The following KANK1 variants were observed in gnomAD, a reference collection of about 807,000 sequenced individuals.
KANK1 encodes KN motif and ankyrin repeat domain-containing protein 1.
A neutral mutation model predicts 106.2 loss-of-function variants in KANK1; 109 were observed. The ratio of observed to expected loss-of-function variants is 1.03; its 90% CI spans 0.88 to 1.20. The LOEUF is 1.20. KANK1 is among the 50% of genes most tolerant of loss of function. The pLI is 0.00. For missense variants in KANK1, 2,399 were observed against 1,710.7 expected (o/e 1.40, Z -7.10); for synonymous variants, 873 against 652.2 (o/e 1.34, Z -5.16).
intron 1 of KANK1, among the ~76,000 whole-genome samples, chr9:671,698 GTTACT>G (rs1317011602): frequency 1.3e-5 from 2 of 150,716 alleles, no homozygotes; most frequent in Non-Finnish European, 2.9e-5. Context: ...TCTTAAATGT[GTTACT>G]CCAAGGAATA....
intron 3 of KANK1, among the ~76,000 whole-genome samples, chr9:493,564 T>TTC (rs980683851): frequency 1.3e-5 from 2 of 149,802 alleles, no homozygotes; most frequent in African/African-American, 5.0e-5. Context: ...CTTTTTTTTT[T>TTC]TTTTTTTTGG....
At chr9:707,461 TTAA>T (rs1824681138) in intron 2 of KANK1, among the ~76,000 whole-genome samples, 1 of 152,048 alleles carries the variant, frequency 6.6e-6, no homozygotes, top group African/African-American at 2.4e-5. Context: ...TTCTCTCCTG[TTAA>T]TGGAGTTTCA....
intron 2 of KANK1, among the ~76,000 whole-genome samples, chr9:699,551 A>T (rs12346193): frequency 0.031 from 4,780 of 152,216 alleles, 275 homozygotes; most frequent in African/African-American, 0.11. Flanking sequence ...AGGAAATCCA[A>T]AGATTTGTGG....
Position 712,051 on chromosome 9 carries a change from A to G in KANK1, c.1285A>G (p.Thr429Ala). The change falls in exon 3 of 12, where the codon ACA becomes GCA. Residue 429 changes from threonine (T) to alanine (A), a missense_variant. By Grantham distance (58) the Thr-to-Ala change is moderately conservative (BLOSUM62 0). Transcript: ENST00000382297. ...GTCCTGTAAGGATGCAGCTGTAGGGACACTTGTTGAGATGAGAAATTGTGG... is the reference window on the plus strand; with the variant it reads ...GTCCTGTAAGGATGCAGCTGTAGGGGCACTTGTTGAGATGAGAAATTGTGG... ...SRSCKDAAVG[T>A]LVEMRNCGVS... 1 of 1,614,066 alleles carries G rather than the reference A, an allele frequency of 6.2e-7. No homozygotes were observed. Among genetic ancestry groups the G allele is most frequent in the Non-Finnish European group, 8.5e-7 (1 of 1,180,014 alleles).
chr9:687,855 C>A (rs747659499), intron 2 of KANK1, among the ~76,000 whole-genome samples: 1 of 152,208 alleles, frequency 6.6e-6, no homozygotes, highest in African/African-American at 2.4e-5. Context: ...CGGTTGTGTG[C>A]GTCACTAATC....
intron 1 of KANK1, among the ~76,000 whole-genome samples, chr9:535,465 T>C (rs2060254244): frequency 6.6e-6 from 1 of 152,228 alleles, no homozygotes; most frequent in African/African-American, 2.4e-5. Flanking sequence ...CTGGGCACTG[T>C]ACTGTGAGTT....
rs151214974 is a variant in KANK1, at chr9:650,783, A to C, written c.-83-26107A>C. Among the ~76,000 whole-genome samples, 171 of 152,244 alleles carry C rather than the reference A, an allele frequency of 1.1e-3. 1 individual carries two copies. The highest frequency in any genetic ancestry group is 3.9e-3 in the African/African-American group (162 of 41,520). On this transcript the variant is annotated intron_variant, in intron 1 of 11. Coordinates refer to ENST00000382297, the MANE Select transcript of KANK1 (RefSeq NM_015158.5). ...CTAACAGAGGCCCAATGTTCCTGCT[A>C]ATGAAATGAATAAAGAAATGTTGCA...
chr9:521,675 T>G (rs1022733040), intron 1 of KANK1, among the ~76,000 whole-genome samples: 1 of 150,462 alleles, frequency 6.6e-6, no homozygotes, highest in African/African-American at 2.5e-5. Context: ...CAAGCGATTC[T>G]CCTGCCTCAG....
In KANK1 at chr9:726,730, C is replaced by T. The variant is rs543286049; in HGVS notation, c.2699-3321C>T. Among the ~76,000 whole-genome samples the T allele has an allele frequency of 5.3e-5, 8 of 151,986 alleles. No individual in the cohort carries two copies. The East Asian group carries it at 1.2e-3, about 22-fold the overall frequency. On this transcript the variant is annotated intron_variant, in intron 3 of 11. Coordinates refer to ENST00000382297, the MANE Select transcript of KANK1 (RefSeq NM_015158.5). ...ATCCCAACGCTTTGGGAGGTCAAGG[C>T]GGGCAGATTTCCTGAGGTCACAAGT...
At chr9:485,630 T>C (rs1049446475) in intron 3 of KANK1, among the ~76,000 whole-genome samples, 2 of 152,114 alleles carry the variant, frequency 1.3e-5, no homozygotes, top group Non-Finnish European at 2.9e-5. Flanking sequence ...CCCAACACTT[T>C]GAGAGGCCGA....
chr9:739,367 A>G (rs1318973860), intron 8 of KANK1, among the ~76,000 whole-genome samples: 1 of 152,212 alleles, frequency 6.6e-6, no homozygotes, highest in Non-Finnish European at 1.5e-5. Context: ...ATTTTCTGAA[A>G]TTCTGTCTTC....
At chr9:578,485 A>C (rs1449588598) in intron 1 of KANK1, among the ~76,000 whole-genome samples, 1 of 151,892 alleles carries the variant, frequency 6.6e-6, no homozygotes, top group Non-Finnish European at 1.5e-5. Flanking sequence ...GTTGGGCGGC[A>C]GGGAGGGGGT....
chr9:693,893 T>C, intron 2 of KANK1: 1 of 879,508 alleles, frequency 1.1e-6, no homozygotes, highest in Non-Finnish European at 1.4e-6. Context: ...AAGATTTGCT[T>C]TTACTTCAAG....
intron 1 of KANK1, among the ~76,000 whole-genome samples, chr9:514,816 A>G (rs1175511234): frequency 2.0e-5 from 3 of 151,528 alleles, no homozygotes; most frequent in Admixed American, 6.6e-5. Context: ...TAGGAGTGCA[A>G]TTTTTGGGCC....
At chr9:588,058 T>C (rs1823941332) in intron 1 of KANK1, among the ~76,000 whole-genome samples, 1 of 124,946 alleles carries the variant, frequency 8.0e-6, no homozygotes, top group East Asian at 2.2e-4. Context: ...AGAGCTAGAC[T>C]TGGTCTCAAG....
chr9:488,086 T>C (rs1371618684), intron 3 of KANK1, among the ~76,000 whole-genome samples: 2 of 152,200 alleles, frequency 1.3e-5, no homozygotes, highest in South Asian at 2.1e-4. Flanking sequence ...ATTCATTCTA[T>C]GAGGAGATGG....
rs115139722 is a variant in KANK1, at chr9:518,540, C to T, written c.-84+13786C>T. Reference sequence around the variant, plus strand: ...AGAATCGAAACTCTACTATTTCCTGCGAGGTGTATGTTTTCTTTGCTTCTT... The same window carrying T: ...AGAATCGAAACTCTACTATTTCCTGTGAGGTGTATGTTTTCTTTGCTTCTT... On this transcript the variant is annotated intron_variant, in intron 1 of 11. Transcript: ENST00000382297. Among the ~76,000 whole-genome samples the T allele has an allele frequency of 1.9e-3, 291 of 151,692 alleles. 9 individuals are homozygous for T. Among genetic ancestry groups the T allele is most frequent in the African/African-American group, 6.5e-3 (265 of 41,068 alleles).
intron 1 of KANK1, among the ~76,000 whole-genome samples, chr9:610,741 G>A (rs995214972): frequency 2.0e-4 from 30 of 152,154 alleles, no homozygotes; most frequent in Non-Finnish European, 4.4e-5. Flanking sequence ...AAAGCTCGGA[G>A]GGTTAGTTGA....
At chr9:515,243 G>A (rs1028220902) in intron 1 of KANK1, among the ~76,000 whole-genome samples, 1 of 151,406 alleles carries the variant, frequency 6.6e-6, no homozygotes, top group East Asian at 1.9e-4. Flanking sequence ...TACTCGGGAG[G>A]CTGAGGCAGG....
Sources: allele counts gnomAD v4.1 joint callset (sites outside exome capture counted in the v4.1 genomes callset), GRCh38; gene constraint gnomAD v4.1.1; transcripts MANE v1.5; gene names NCBI Gene and HGNC (gene_info 2026-07-23, HGNC 2026-07-21).